Variants in LDLRAD4 observed in about 807,000 individuals in gnomAD.
The protein encoded by LDLRAD4 is low density lipoprotein receptor class A domain containing 4, also known as low-density lipoprotein receptor class A domain-containing protein 4.
In LDLRAD4, 5 loss-of-function variants were observed where a neutral mutation model predicts 17.0. The observed-to-expected ratio is 0.29, with a 90% confidence interval of 0.15 to 0.62. The LOEUF is 0.62. Among genes scored for constraint, LDLRAD4 ranks in the 20% least tolerant of loss-of-function variants. LDLRAD4 has a pLI of 0.84. For synonymous variants in LDLRAD4, 168 were observed against 171.8 expected, an observed-to-expected ratio of 0.98 and a Z score of 0.17; for missense variants, 340 against 424.7, an observed-to-expected ratio of 0.80 and a Z score of 1.75.
chr18:13,549,081 T>C (rs2094403845), intron 3 of LDLRAD4, among the ~76,000 whole-genome samples: 2 of 152,230 alleles, frequency 1.3e-5, no homozygotes, highest in Non-Finnish European at 1.5e-5. Context: ...AAATGGATGC[T>C]GGTGTGTGCC....
chr18:13,268,241 T>G (rs2044330774), intron 1 of LDLRAD4, among the ~76,000 whole-genome samples: 2 of 152,216 alleles, frequency 1.3e-5, no homozygotes, highest in South Asian at 4.1e-4. Flanking sequence ...TCCGTTTTCC[T>G]TAGTCTCAGT....
intron 1 of LDLRAD4, among the ~76,000 whole-genome samples, chr18:13,302,724 G>C (rs982933282): frequency 6.6e-6 from 1 of 152,070 alleles, no homozygotes; most frequent in East Asian, 1.9e-4. Context: ...ATGCACTGCT[G>C]TTACACGCAG....
intron 3 of LDLRAD4, among the ~76,000 whole-genome samples, chr18:13,592,854 C>G (rs945102275): frequency 6.6e-6 from 1 of 152,116 alleles, no homozygotes; most frequent in African/African-American, 2.4e-5. Context: ...GGAAAGAGAC[C>G]AAAACTTTGT....
intron 3 of LDLRAD4, among the ~76,000 whole-genome samples, chr18:13,509,205 T>A (rs115021669): frequency 0.011 from 1,637 of 152,284 alleles, 24 homozygotes; most frequent in African/African-American, 0.038. Context: ...TGCCAGCTGC[T>A]CAGGAGGCTG....
chr18:13,361,463 G>A (rs971922221), intron 1 of LDLRAD4, among the ~76,000 whole-genome samples: 1 of 152,096 alleles, frequency 6.6e-6, no homozygotes, highest in South Asian at 2.1e-4. Flanking sequence ...GTTGCACCTC[G>A]CTTTGTTTGG....
At chr18:13,480,994 C>T (rs1324833264) in intron 3 of LDLRAD4, among the ~76,000 whole-genome samples, 8 of 152,152 alleles carry the variant, frequency 5.3e-5, no homozygotes, top group Admixed American at 3.3e-4. Context: ...CTGGCCTGAT[C>T]GTTGTCTTCC....
chr18:13,467,571 C>T (rs185798741), intron 3 of LDLRAD4, among the ~76,000 whole-genome samples: 1 of 152,302 alleles, frequency 6.6e-6, no homozygotes, highest in East Asian at 1.9e-4. Context: ...TAAATACTAC[C>T]TAAAGCCATC....
intron 1 of LDLRAD4, among the ~76,000 whole-genome samples, chr18:13,301,462 A>G (rs1567983457): frequency 6.6e-6 from 1 of 152,114 alleles, no homozygotes. Context: ...TTCTCTTAAC[A>G]GAGCTCTGGC....
At chr18:13,646,996 T>C (rs2043039305) in exon 6 of LDLRAD4, 1 of 152,162 alleles carries the variant, frequency 6.6e-6, no homozygotes, top group African/African-American at 2.4e-5. Flanking sequence ...TTGTGGGTTA[T>C]TGTATGTCAC....
intron 1 of LDLRAD4, among the ~76,000 whole-genome samples, chr18:13,346,520 G>A (rs1380578295): frequency 6.6e-6 from 1 of 152,170 alleles, no homozygotes; most frequent in Non-Finnish European, 1.5e-5. Context: ...TTTGGAATAG[G>A]TGTGGTGTGG....
intron 3 of LDLRAD4, chr18:13,613,950 G>A (rs2039846978): frequency 6.6e-6 from 1 of 152,218 alleles, no homozygotes; most frequent in African/African-American, 2.4e-5. Flanking sequence ...GCAGCTCAGA[G>A]TAACCAGGAG....
At chr18:13,325,611 G>A (rs1374737192) in intron 1 of LDLRAD4, among the ~76,000 whole-genome samples, 6 of 152,128 alleles carry the variant, frequency 3.9e-5, no homozygotes, top group East Asian at 3.9e-4. Flanking sequence ...CTCCCTCTCC[G>A]CGTGGGCAAC....
chr18:13,645,288 G>A lies in LDLRAD4; in HGVS notation c.552G>A (p.Gln184=). ...ACGGTGAAGAGCCACCTCCTTACCAGGGGCCCTGCACCCTGCAGCTCCGGG... is the reference window on the plus strand; with the variant it reads ...ACGGTGAAGAGCCACCTCCTTACCAAGGGCCCTGCACCCTGCAGCTCCGGG... Residue 184 remains glutamine (Q), a synonymous_variant, in exon 6 of 6, where the codon CAG becomes CAA. Coordinates refer to ENST00000359446, the Ensembl canonical transcript of LDLRAD4. This position sits in a 1 kb window ranked among gnomAD's most constrained non-coding sequence, Gnocchi z 5.7. 6.2e-7 allele frequency: 1 copy of A among 1,614,172 alleles called. No individual in the cohort carries two copies. Among genetic ancestry groups the A allele is most frequent in the South Asian group, 1.1e-5 (1 of 91,086 alleles).
chr18:13,555,245 A>T (rs2148130152), intron 3 of LDLRAD4, among the ~76,000 whole-genome samples: 1 of 152,304 alleles, frequency 6.6e-6, no homozygotes, highest in Non-Finnish European at 1.5e-5. Context: ...ATAGAAATAA[A>T]CTATAGACTT....
intron 3 of LDLRAD4, among the ~76,000 whole-genome samples, chr18:13,511,986 G>C (rs567703542): frequency 2.6e-5 from 4 of 152,386 alleles, no homozygotes; most frequent in African/African-American, 7.2e-5. Flanking sequence ...TACCATGACA[G>C]CTGATGTATG....
intron 3 of LDLRAD4, among the ~76,000 whole-genome samples, chr18:13,502,006 G>T (rs952545262): frequency 6.6e-6 from 1 of 152,246 alleles, no homozygotes; most frequent in African/African-American, 2.4e-5. Flanking sequence ...GAGAAGTCCG[G>T]GTAGGTGCCG....
chr18:13,247,955 C>CT (rs372189310), intron 1 of LDLRAD4, among the ~76,000 whole-genome samples: 1 of 130,214 alleles, frequency 7.7e-6, no homozygotes, highest in Non-Finnish European at 1.6e-5. Context: ...AGCGCCGCCC[C>CT]CCGCCTTTTT....
intron 3 of LDLRAD4, among the ~76,000 whole-genome samples, chr18:13,581,071 A>G (rs953521718): frequency 9.2e-5 from 14 of 152,070 alleles, no homozygotes; most frequent in African/African-American, 3.4e-4. Context: ...TATCTCGGGG[A>G]TGGGGCCCAA....
chr18:13,515,925 A>G (rs2093858842), intron 3 of LDLRAD4: 1 of 152,146 alleles, frequency 6.6e-6, no homozygotes, highest in Admixed American at 6.5e-5. Flanking sequence ...GGATCCTCCC[A>G]CCTCAGCTTC....
Sources: allele counts gnomAD v4.1 joint callset (sites outside exome capture counted in the v4.1 genomes callset), GRCh38; gene constraint gnomAD v4.1.1; non-coding constraint Gnocchi (gnomAD v3.1); transcripts MANE v1.5; gene names NCBI Gene and HGNC (gene_info 2026-07-23, HGNC 2026-07-21).